The following GCNT1 variants were observed in gnomAD, a reference collection of about 807,000 sequenced individuals.
GCNT1 encodes glucosaminyl (N-acetyl) transferase 1, also known as beta-1,3-galactosyl-O-glycosyl-glycoprotein beta-1,6-N-acetylglucosaminyltransferase.
Under a neutral mutation model 26.2 loss-of-function variants are expected in GCNT1, and 16 were observed. The ratio of observed to expected loss-of-function variants is 0.61; its 90% CI spans 0.41 to 0.93. The LOEUF (loss-of-function observed/expected upper bound fraction) is 0.93, where lower values mean the gene tolerates loss of function less well. GCNT1 is among the 40% of genes least tolerant of loss of function. The pLI is 0.00. For missense variants in GCNT1, 477 were observed against 526.7 expected, an observed-to-expected ratio of 0.91 and a Z score of 0.92; for synonymous variants, 183 against 190.8, an observed-to-expected ratio of 0.96 and a Z score of 0.34.
chr9:76,461,598 C>A (rs1823871805), intron 2 of GCNT1, among the ~76,000 whole-genome samples: 1 of 148,246 alleles, frequency 6.7e-6, no homozygotes, highest in Admixed American at 6.8e-5. Context: ...AAAAAACACA[C>A]ACAAAGAGCC....
At chr9:76,418,402 A>G (rs1451460688), upstream of GCNT1, among the ~76,000 whole-genome samples, 4 of 152,172 alleles carry the variant, frequency 2.6e-5, no homozygotes, top group Non-Finnish European at 4.4e-5. Flanking sequence ...GGAGGAGGGT[A>G]TAATGAGGCA....
intron 2 of GCNT1, among the ~76,000 whole-genome samples, chr9:76,494,906 A>G (rs1220962067): frequency 6.6e-6 from 1 of 152,194 alleles, no homozygotes; most frequent in Admixed American, 6.5e-5. Flanking sequence ...CCCTGGGCTC[A>G]GCCTGGAAGT....
the GCNT1 span, among the ~76,000 whole-genome samples, chr9:76,406,165 T>A: frequency 1.3e-3 from 201 of 152,290 alleles, 1 homozygote; most frequent in African/African-American, 4.7e-3. Context: ...ATTTGCCATC[T>A]GTATATCATC....
chr9:76,423,135 G>C (rs573654400), intron 1 of GCNT1, among the ~76,000 whole-genome samples: 2 of 152,126 alleles, frequency 1.3e-5, no homozygotes, highest in African/African-American at 4.8e-5. Context: ...TAACTTAGTC[G>C]TCCATGATCA....
chr9:76,496,528 T>G (rs898721368), intron 2 of GCNT1, among the ~76,000 whole-genome samples: 2 of 152,146 alleles, frequency 1.3e-5, no homozygotes, highest in African/African-American at 4.8e-5. Context: ...ATTTTGTCCA[T>G]CTTCCCACTC....
At chr9:76,472,400 A>G (rs1180262989) in intron 2 of GCNT1, among the ~76,000 whole-genome samples, 1 of 152,206 alleles carries the variant, frequency 6.6e-6, no homozygotes, top group Admixed American at 6.5e-5. Context: ...AATTGAGTGA[A>G]GGGAATGCAG....
intron 2 of GCNT1, among the ~76,000 whole-genome samples, chr9:76,500,262 T>C (rs1025325938): frequency 6.6e-6 from 1 of 152,188 alleles, no homozygotes; most frequent in Admixed American, 6.5e-5. Flanking sequence ...CTGGACCAGT[T>C]GTCTAAAGTT....
At chr9:76,433,543 T>G (rs73650217) in intron 1 of GCNT1, among the ~76,000 whole-genome samples, 2,528 of 152,148 alleles carry the variant, frequency 0.017, 67 homozygotes, top group African/African-American at 0.057. Context: ...TGTGCTGGCC[T>G]TTGGAGAGGC....
chr9:76,484,821 C>T (rs1445422219), intron 2 of GCNT1, among the ~76,000 whole-genome samples: 2 of 145,002 alleles, frequency 1.4e-5, no homozygotes, highest in African/African-American at 5.1e-5. Context: ...TGGAATCTCA[C>T]TCTGTTACCC....
intron 2 of GCNT1, among the ~76,000 whole-genome samples, chr9:76,485,129 AC>A (rs1824537861): frequency 6.6e-6 from 1 of 151,540 alleles, no homozygotes; most frequent in Non-Finnish European, 1.5e-5. Flanking sequence ...TATTTTACTC[AC>A]TTGTACTCAA....
chr9:76,441,597 T>C (rs542480020), upstream of GCNT1: 1 of 152,370 alleles, frequency 6.6e-6, no homozygotes, highest in East Asian at 1.9e-4. Context: ...AAATGGGCTA[T>C]ATTTTCATCA....
rs762795842 is a variant in GCNT1, at chr9:76,502,970, C to T, written c.589C>T (p.Leu197Phe). Residue 197 changes from leucine to phenylalanine, a missense_variant, in exon 4 of 4, where the codon CTC (leucine) becomes TTC (phenylalanine). Physicochemically the swap from Leu to Phe is conservative, Grantham distance 22. Transcript: ENST00000376730. ...ATCGTGGAGCCGGGTTCAGGCTGACCTCAACTGCATGAAGGATCTCTATGC... is the reference window on the plus strand; with the variant it reads ...ATCGTGGAGCCGGGTTCAGGCTGACTTCAACTGCATGAAGGATCTCTATGC... ...YASWSRVQADLNCMKDLYAMS... is the reference protein window; with the variant it reads ...YASWSRVQADFNCMKDLYAMS... 6.2e-7 allele frequency: 1 copy of T among 1,613,060 alleles called. No homozygotes were observed. The highest frequency in any genetic ancestry group is 1.1e-5 in the South Asian group (1 of 91,076).
chr9:76,448,927 T>C (rs764073267), intron 1 of GCNT1, among the ~76,000 whole-genome samples: 6 of 152,254 alleles, frequency 3.9e-5, no homozygotes, highest in Non-Finnish European at 8.8e-5. Flanking sequence ...ACTGTACATG[T>C]CATTTTCTTT....
intron 1 of GCNT1, among the ~76,000 whole-genome samples, chr9:76,436,532 C>T (rs1466177745): frequency 7.3e-6 from 1 of 136,364 alleles, no homozygotes; most frequent in Non-Finnish European, 1.5e-5. Flanking sequence ...GTGAAGGTTA[C>T]AGTGAGCTGA....
chr9:76,461,477 G>A (rs753319055), intron 2 of GCNT1, among the ~76,000 whole-genome samples: 13 of 151,658 alleles, frequency 8.6e-5, no homozygotes, highest in Admixed American at 1.3e-4. Flanking sequence ...CCAGCTACTC[G>A]GGAGGCTGAG....
At chr9:76,457,551 G>A (rs1363437348), upstream of GCNT1, among the ~76,000 whole-genome samples, 3 of 152,172 alleles carry the variant, frequency 2.0e-5, no homozygotes, top group African/African-American at 4.8e-5. Context: ...GCCCAGCCCC[G>A]GCTATACTTT....
intron 2 of GCNT1, among the ~76,000 whole-genome samples, chr9:76,481,282 A>G (rs1316318369): frequency 6.6e-6 from 1 of 151,950 alleles, no homozygotes; most frequent in Admixed American, 6.6e-5. Flanking sequence ...AATGGAGAAA[A>G]GGAAATTCCT....
At chr9:76,469,276 T>C (rs1184197021) in intron 2 of GCNT1, among the ~76,000 whole-genome samples, 1 of 152,222 alleles carries the variant, frequency 6.6e-6, no homozygotes, top group East Asian at 1.9e-4. Context: ...TAAGAATCCC[T>C]AAGCCTAGCT....
At chr9:76,421,622 A>C (rs1453625201) in intron 1 of GCNT1, among the ~76,000 whole-genome samples, 4 of 118,460 alleles carry the variant, frequency 3.4e-5, no homozygotes, top group Non-Finnish European at 6.8e-5. Flanking sequence ...AAAAAAAAAA[A>C]CCACAACAAA....
Sources: allele counts gnomAD v4.1 joint callset (sites outside exome capture counted in the v4.1 genomes callset), GRCh38; gene constraint gnomAD v4.1.1; transcripts MANE v1.5; gene names NCBI Gene and HGNC (gene_info 2026-07-23, HGNC 2026-07-21).